Variants in ST6GALNAC3 observed in about 807,000 individuals in gnomAD.
ST6GALNAC3 encodes the protein alpha-N-acetylgalactosaminide alpha-2,6-sialyltransferase 3.
In ST6GALNAC3, 25 loss-of-function variants were observed where a neutral mutation model predicts 32.7. The observed-to-expected ratio is 0.76, with a 90% CI of 0.56 to 1.07. The LOEUF is 1.07. Among genes scored for constraint, ST6GALNAC3 ranks in the 50% least tolerant of loss-of-function variants. The pLI is 0.00. For missense variants in ST6GALNAC3, 355 were observed against 382.4 expected, an observed-to-expected ratio of 0.93 and a Z score of 0.60; for synonymous variants, 129 against 133.1, an observed-to-expected ratio of 0.97 and a Z score of 0.21.
intron 1 of ST6GALNAC3, among the ~76,000 whole-genome samples, chr1:76,291,258 C>A (rs946295730): frequency 1.3e-5 from 2 of 152,242 alleles, no homozygotes; most frequent in African/African-American, 2.4e-5. Context: ...AAATCCCCAG[C>A]ACGTTGGAGG....
intron 3 of ST6GALNAC3, among the ~76,000 whole-genome samples, chr1:76,614,885 A>C (rs1050572004): frequency 1.1e-4 from 17 of 152,064 alleles, no homozygotes; most frequent in Non-Finnish European, 2.1e-4. Context: ...TAGGGAGATC[A>C]GGGCTGTGAC....
rs909198249 is a variant in ST6GALNAC3, at chr1:76,628,897, A to C, written c.*91A>C. 22 of 1,563,038 alleles carry C rather than the reference A, an allele frequency of 1.4e-5. No homozygotes were observed. The Admixed American group carries it at 2.5e-4, about 18-fold the overall frequency. ...GATGCTAATGGAGATGATGGTAATGATAAAGACAACAACAATGATTATCAA... is the reference window on the plus strand; with the variant it reads ...GATGCTAATGGAGATGATGGTAATGCTAAAGACAACAACAATGATTATCAA... On this transcript the variant is annotated 3_prime_UTR_variant, in exon 5 of 5. Transcript: ENST00000328299.
At chr1:76,385,606 A>T (rs1652035741) in intron 2 of ST6GALNAC3, among the ~76,000 whole-genome samples, 1 of 152,130 alleles carries the variant, frequency 6.6e-6, no homozygotes, top group African/African-American at 2.4e-5. Flanking sequence ...GCACTCCGTA[A>T]ATATGTGTGA....
At chr1:76,278,767 A>G (rs544754223) in intron 1 of ST6GALNAC3, among the ~76,000 whole-genome samples, 17 of 152,224 alleles carry the variant, frequency 1.1e-4, no homozygotes, top group African/African-American at 4.1e-4. Flanking sequence ...TATTTGTCCT[A>G]TTTTCATGAC....
intron 1 of ST6GALNAC3, among the ~76,000 whole-genome samples, chr1:76,289,251 G>T (rs1289555605): frequency 3.3e-5 from 5 of 152,162 alleles, no homozygotes; most frequent in African/African-American, 1.2e-4. Context: ...TTTTTCTCAA[G>T]CATTTTTGGG....
intron 1 of ST6GALNAC3, among the ~76,000 whole-genome samples, chr1:76,218,547 A>C (rs565779855): frequency 1.3e-5 from 2 of 152,362 alleles, no homozygotes; most frequent in South Asian, 4.1e-4. Context: ...TACAATTTTA[A>C]AAGAAAAGCT....
chr1:76,203,231 T>G (rs1440879418), intron 1 of ST6GALNAC3, among the ~76,000 whole-genome samples: 2 of 152,104 alleles, frequency 1.3e-5, no homozygotes, highest in African/African-American at 4.8e-5. Flanking sequence ...GGCACTTAGC[T>G]CAAATAAATC....
intron 3 of ST6GALNAC3, among the ~76,000 whole-genome samples, chr1:76,520,975 C>A (rs1422308073): frequency 6.6e-6 from 1 of 151,840 alleles, no homozygotes; most frequent in Admixed American, 6.6e-5. Context: ...CCTACCTGAT[C>A]TTTTTTAAAT....
At position 76,313,990 on chromosome 1, in the gene ST6GALNAC3, G is replaced by A. The variant is rs115264699; in HGVS notation, c.204G>A (p.Lys68=). ...LRTHYGYINV[K]TQEPLQLDCD... ...CTCACTATGGATACATAAATGTGAA[G>A]ACACAAGAGGTAAGATCCCAGAGGG... The change falls in exon 2 of 5, where the codon AAG becomes AAA. Residue 68 remains lysine, a synonymous_variant. Transcript: ENST00000328299. 5.0e-6 allele frequency: 8 copies of A among 1,611,742 alleles called. No individual in the cohort carries two copies. The East Asian group carries it at 1.8e-4, about 36-fold the overall frequency.
intron 1 of ST6GALNAC3, among the ~76,000 whole-genome samples, chr1:76,082,423 A>C (rs1359345424): frequency 6.6e-6 from 1 of 152,200 alleles, no homozygotes; most frequent in Non-Finnish European, 1.5e-5. Context: ...TCACCTGAGC[A>C]GAGAAAAAAG....
intron 1 of ST6GALNAC3, among the ~76,000 whole-genome samples, chr1:76,146,150 G>A (rs776970002): frequency 1.3e-5 from 2 of 152,174 alleles, no homozygotes; most frequent in Non-Finnish European, 2.9e-5. Flanking sequence ...GATTTAAGCT[G>A]TTCTTTACGT....
In ST6GALNAC3 at chr1:76,417,532, A is replaced by G. The variant is rs567872494; in HGVS notation, c.623+5115A>G. Among the ~76,000 whole-genome samples the G allele has an allele frequency of 5.5e-4, 83 of 152,228 alleles. 1 individual carries two copies. The highest frequency in any genetic ancestry group is 1.9e-3 in the African/African-American group (80 of 41,564). ...GTGGCACATTGTGCCACACTTAACAATGAAGAATGTGATCATGTTCCTGGC... is the reference window on the plus strand; with the variant it reads ...GTGGCACATTGTGCCACACTTAACAGTGAAGAATGTGATCATGTTCCTGGC... On this transcript the variant is annotated intron_variant, in intron 3 of 4. Coordinates refer to ENST00000328299, the MANE Select transcript of ST6GALNAC3 (RefSeq NM_152996.4).
chr1:76,301,444 G>T (rs1660720517), intron 1 of ST6GALNAC3, among the ~76,000 whole-genome samples: 3 of 152,110 alleles, frequency 2.0e-5, no homozygotes, highest in Admixed American at 2.0e-4. Context: ...TAATAGTGGA[G>T]ATGTTTCTGC....
chr1:76,136,781 C>T (rs1035087716), intron 1 of ST6GALNAC3, among the ~76,000 whole-genome samples: 2 of 152,106 alleles, frequency 1.3e-5, no homozygotes, highest in African/African-American at 4.8e-5. Context: ...TATTTTTACT[C>T]CCTTAGGAAG....
chr1:76,625,066 T>C (rs904321180), intron 3 of ST6GALNAC3, among the ~76,000 whole-genome samples: 6 of 151,966 alleles, frequency 3.9e-5, no homozygotes, highest in African/African-American at 1.2e-4. Context: ...GCTAAATAAG[T>C]GGCCAAAGCC....
chr1:76,112,593 C>T (rs937027101), intron 1 of ST6GALNAC3, among the ~76,000 whole-genome samples: 3 of 150,948 alleles, frequency 2.0e-5, no homozygotes, highest in Non-Finnish European at 3.0e-5. Context: ...GTGTGGCTGC[C>T]GCGCGGAGGG....
intron 3 of ST6GALNAC3, among the ~76,000 whole-genome samples, chr1:76,545,598 A>G (rs1664245373): frequency 6.6e-6 from 1 of 152,048 alleles, no homozygotes; most frequent in Admixed American, 6.5e-5. Flanking sequence ...AGTGTTGTCT[A>G]TGCCTCACCT....
At chr1:76,486,526 A>G (rs1274407400) in intron 3 of ST6GALNAC3, among the ~76,000 whole-genome samples, 1 of 152,102 alleles carries the variant, frequency 6.6e-6, no homozygotes, top group Admixed American at 6.5e-5. Flanking sequence ...AGTCTGTTTT[A>G]TCAGAGACTA....
intron 2 of ST6GALNAC3, among the ~76,000 whole-genome samples, chr1:76,329,724 G>A (rs1410248927): frequency 1.3e-5 from 2 of 152,050 alleles, no homozygotes; most frequent in African/African-American, 4.8e-5. Context: ...AAAGTTTGTT[G>A]ACACATCATT....
Sources: gnomAD v4.1 joint callset for allele counts (sites outside exome capture counted in the v4.1 genomes callset) on GRCh38, gnomAD v4.1.1 for gene constraint, MANE v1.5 for transcripts, NCBI Gene and HGNC (gene_info 2026-07-23, HGNC 2026-07-21) for gene names.